The following SHISA9 variants were observed in gnomAD, a reference collection of about 807,000 sequenced individuals.
The protein encoded by SHISA9 is shisa family member 9.
In SHISA9, 13 loss-of-function variants were observed where a neutral mutation model predicts 38.0. The observed-to-expected ratio is 0.34, with a 90% CI of 0.22 to 0.54. The LOEUF (loss-of-function observed/expected upper bound fraction) is 0.54. SHISA9 is among the 20% of genes least tolerant of loss of function. The pLI, the probability that SHISA9 is intolerant of heterozygous loss-of-function variation, is 0.91. For missense variants in SHISA9, 538 were observed against 575.8 expected (o/e 0.93, Z 0.67); for synonymous variants, 275 against 242.0 (o/e 1.14, Z -1.27).
intron 2 of SHISA9, among the ~76,000 whole-genome samples, chr16:13,038,557 C>G (rs1336143769): frequency 6.6e-6 from 1 of 152,220 alleles, no homozygotes; most frequent in African/African-American, 2.4e-5. Flanking sequence ...CTCCTACTGA[C>G]TAGAACGCTT....
intron 2 of SHISA9, among the ~76,000 whole-genome samples, chr16:13,199,338 C>T (rs1423312135): frequency 1.3e-5 from 2 of 152,168 alleles, no homozygotes; most frequent in East Asian, 3.9e-4. Context: ...ACGAGTCAGC[C>T]AAATTGTTGT....
At chr16:13,141,534 T>C (rs1017683350) in intron 2 of SHISA9, among the ~76,000 whole-genome samples, 5 of 151,608 alleles carry the variant, frequency 3.3e-5, no homozygotes, top group African/African-American at 7.3e-5. Context: ...AAAATACAAA[T>C]TTAGCCAGGT....
At chr16:13,467,579 C>T in the SHISA9 span, among the ~76,000 whole-genome samples, 1 of 152,206 alleles carries the variant, frequency 6.6e-6, no homozygotes, top group Non-Finnish European at 1.5e-5. Flanking sequence ...TCCCGTGATC[C>T]ACTTCCCCTA....
intron 2 of SHISA9, among the ~76,000 whole-genome samples, chr16:12,934,028 GA>G (rs1298712587): frequency 1.3e-5 from 2 of 152,164 alleles, no homozygotes; most frequent in African/African-American, 4.8e-5. Flanking sequence ...AGAGTGGGGG[GA>G]AAGGGCATTC....
chr16:13,463,437 T>C, the SHISA9 span, among the ~76,000 whole-genome samples: 4 of 152,178 alleles, frequency 2.6e-5, no homozygotes, highest in Admixed American at 1.3e-4. Context: ...CCTGGGACTG[T>C]TGTGGCTGGA....
chr16:13,358,831 G>T, the SHISA9 span, among the ~76,000 whole-genome samples: 1 of 152,170 alleles, frequency 6.6e-6, no homozygotes, highest in Admixed American at 6.5e-5. Context: ...AGATGAACAT[G>T]ATATGATTGA....
At chr16:13,560,655 C>A in the SHISA9 span, among the ~76,000 whole-genome samples, 3 of 151,638 alleles carry the variant, frequency 2.0e-5, no homozygotes, top group Non-Finnish European at 2.9e-5. Flanking sequence ...TGAAAAACTC[C>A]TAATCCTCAT....
At chr16:12,905,681 T>C (rs1458992666) in intron 1 of SHISA9, among the ~76,000 whole-genome samples, 1 of 151,430 alleles carries the variant, frequency 6.6e-6, no homozygotes, top group African/African-American at 2.4e-5. Context: ...AACCTCCGCC[T>C]CCCAGGTTCA....
chr16:13,275,405 C>T, the SHISA9 span, among the ~76,000 whole-genome samples: 1 of 151,982 alleles, frequency 6.6e-6, no homozygotes, highest in Non-Finnish European at 1.5e-5. Context: ...TCTATGTAAA[C>T]ATTTTTCTCC....
At chr16:13,045,095 G>A (rs1286210548) in intron 2 of SHISA9, among the ~76,000 whole-genome samples, 2 of 152,180 alleles carry the variant, frequency 1.3e-5, no homozygotes, top group Admixed American at 1.3e-4. Flanking sequence ...ACCTCATAGT[G>A]TAGTTATAGA....
At chr16:13,315,427 A>G in the SHISA9 span, among the ~76,000 whole-genome samples, 1 of 152,224 alleles carries the variant, frequency 6.6e-6, no homozygotes, top group Non-Finnish European at 1.5e-5. Flanking sequence ...TATAAAGCTT[A>G]GCACAGAGGT....
the SHISA9 span, among the ~76,000 whole-genome samples, chr16:13,534,865 A>G: frequency 6.6e-6 from 1 of 152,018 alleles, no homozygotes; most frequent in Non-Finnish European, 1.5e-5. Flanking sequence ...CTTTCCCTAG[A>G]TGACCACATC....
chr16:13,147,014 G>A (rs1417814206), intron 2 of SHISA9, among the ~76,000 whole-genome samples: 1 of 152,088 alleles, frequency 6.6e-6, no homozygotes, highest in Non-Finnish European at 1.5e-5. Context: ...GGATGAATGA[G>A]TGAATGAATG....
intron 3 of SHISA9, among the ~76,000 whole-genome samples, chr16:13,207,399 C>A (rs1418292643): frequency 6.6e-6 from 1 of 152,100 alleles, no homozygotes; most frequent in African/African-American, 2.4e-5. Flanking sequence ...CTTTGAGTAA[C>A]CCTCTGTTCA....
intron 2 of SHISA9, among the ~76,000 whole-genome samples, chr16:13,037,849 C>A (rs1019379846): frequency 3.9e-5 from 6 of 152,216 alleles, no homozygotes; most frequent in African/African-American, 1.4e-4. Flanking sequence ...TTATAAGCAT[C>A]AAGGGTCACT....
At chr16:13,517,252 C>T in the SHISA9 span, among the ~76,000 whole-genome samples, 14 of 152,136 alleles carry the variant, frequency 9.2e-5, no homozygotes, top group African/African-American at 3.4e-4. Flanking sequence ...GAGACAAGCA[C>T]GAAATTGACT....
chr16:13,112,797 G>A (rs765114370), intron 2 of SHISA9, among the ~76,000 whole-genome samples: 3 of 152,116 alleles, frequency 2.0e-5, no homozygotes, highest in African/African-American at 4.8e-5. Flanking sequence ...GCTCCCACTC[G>A]CCTTTGTGAT....
intron 2 of SHISA9, among the ~76,000 whole-genome samples, chr16:13,004,653 G>A (rs1280554308): frequency 1.3e-5 from 2 of 152,048 alleles, no homozygotes; most frequent in African/African-American, 4.8e-5. Context: ...TGCTAGGCGT[G>A]GTGGCTCATG....
chr16:13,391,020 G>C, the SHISA9 span, among the ~76,000 whole-genome samples: 1 of 152,134 alleles, frequency 6.6e-6, no homozygotes, highest in African/African-American at 2.4e-5. Flanking sequence ...AAAGAAAAGG[G>C]GAGACAACAT....
Sources: gnomAD v4.1 joint callset for allele counts (sites outside exome capture counted in the v4.1 genomes callset) on GRCh38, gnomAD v4.1.1 for gene constraint, MANE v1.5 for transcripts, NCBI Gene and HGNC (gene_info 2026-07-23, HGNC 2026-07-21) for gene names.